Variants in DAGLB observed in about 807,000 individuals in gnomAD.
DAGLB encodes the protein diacylglycerol lipase beta.
DAGLB carries 66 observed loss-of-function variants against 72.1 expected under a neutral mutation model. The ratio of observed to expected loss-of-function variants is 0.92; its 90% CI spans 0.75 to 1.12. The LOEUF (loss-of-function observed/expected upper bound fraction) is 1.12. Ranked by LOEUF, DAGLB falls within the 50% of genes most tolerant of loss-of-function variation. The pLI is 0.00. For synonymous variants in DAGLB, 414 were observed against 359.5 expected, an observed-to-expected ratio of 1.15 and a Z score of -1.71; for missense variants, 1,065 against 884.9, an observed-to-expected ratio of 1.20 and a Z score of -2.58.
intron 6 of DAGLB, among the ~76,000 whole-genome samples, chr7:6,429,520 G>A (rs1784412052): frequency 6.6e-6 from 1 of 151,978 alleles, no homozygotes; most frequent in Admixed American, 6.6e-5. Flanking sequence ...CCAGAACTCT[G>A]GGAGGCTGAG....
At chr7:6,425,034 A>G (rs887575483) in intron 7 of DAGLB, among the ~76,000 whole-genome samples, 199 bp from the exon 8 acceptor site, 1 of 152,236 alleles carries the variant, frequency 6.6e-6, no homozygotes, top group Non-Finnish European at 1.5e-5. Flanking sequence ...ATGCTGCTCT[A>G]CATGAAAAAG....
At chr7:6,437,227 G>C (rs924609758) in intron 2 of DAGLB, among the ~76,000 whole-genome samples, 2 of 151,358 alleles carry the variant, frequency 1.3e-5, no homozygotes, top group Middle Eastern at 3.4e-3. Flanking sequence ...GCACAAAACA[G>C]AACTGTCCCA....
rs951817997 is a variant in DAGLB at position 6,426,006 on chromosome 7, G to A, written c.1038C>T (p.His346=). Residue 346 remains histidine (H), a synonymous_variant, in exon 7 of 15, where the codon CAC becomes CAT. Coordinates refer to ENST00000297056, the MANE Select transcript of DAGLB (RefSeq NM_139179.4). ...TTGLQYRDFI[H]VSFHDKVYEL... ...TCCACACCTTGTCATGGAAGCTGAC[G>A]TGGATGAAGTCCCTGTACTGCAGCC... 8.7e-6 allele frequency: 14 copies of A among 1,614,016 alleles called. No homozygotes were observed. Among genetic ancestry groups the A allele is most frequent in the Admixed American group, 6.7e-5 (4 of 60,004 alleles).
chr7:6,413,102 G>T (rs1343034131), intron 11 of DAGLB, 68 bp from the exon 12 acceptor site: 2 of 1,533,360 alleles, frequency 1.3e-6, no homozygotes, highest in African/African-American at 2.7e-5. Context: ...TTCCATGAAA[G>T]AAATCAGTAA....
intron 2 of DAGLB, among the ~76,000 whole-genome samples, chr7:6,442,615 G>A (rs186826666): frequency 2.2e-4 from 34 of 152,312 alleles, no homozygotes; most frequent in African/African-American, 7.5e-4. Flanking sequence ...AAGCTTCCCA[G>A]CGCTGAAGCC....
Position 6,412,908 on chromosome 7 carries a change from G to A in DAGLB, c.1497-25C>T, listed in dbSNP as rs1486978383. 5 of 1,611,942 alleles carry A rather than the reference G, an allele frequency of 3.1e-6. 1 individual carries two copies. In the South Asian group the frequency reaches 3.3e-5, roughly 11 times the overall value. ...CCTGTTTAGCAAAGGGGCACACTGA[G>A]GCTGGGACCTGGCACTCCCAACCCC... On this transcript the variant is annotated intron_variant, in intron 12 of 14. Coordinates refer to ENST00000297056, the MANE Select transcript of DAGLB (RefSeq NM_139179.4).
At chr7:6,430,285 A>ATATATATATATATATATATATTC (rs1784444801) in intron 6 of DAGLB, among the ~76,000 whole-genome samples, 195 bp downstream of exon 6, 1 of 98,416 alleles carries the variant, frequency 1.0e-5, no homozygotes, top group Non-Finnish European at 2.0e-5. Context: ...ATATATATGC[A>ATATATATATATATATATATATTC]GGGGGGAGGG....
At chr7:6,431,285 C>G (rs2115274898) in intron 5 of DAGLB, among the ~76,000 whole-genome samples, 1 of 152,184 alleles carries the variant, frequency 6.6e-6, no homozygotes, top group Non-Finnish European at 1.5e-5. Flanking sequence ...CGTCTACGTG[C>G]AATTTTCTTT....
rs1784494461 is a variant in DAGLB, at chr7:6,431,722, A to C, written c.801+1115T>G. On this transcript the variant is annotated intron_variant, in intron 5 of 14. Coordinates refer to ENST00000297056, the MANE Select transcript of DAGLB (RefSeq NM_139179.4). ...AGGAGACAGAGGGTGCAGTGAGCCA[A>C]GATCATGCCATTGCACTCCAGCCTG... Among the ~76,000 whole-genome samples the C allele has an allele frequency of 2.0e-5, 3 of 152,156 alleles. No individual in the cohort carries two copies. The South Asian group carries it at 6.2e-4, about 32-fold the overall frequency.
At chr7:6,445,015 C>A (rs886333832) in intron 2 of DAGLB, among the ~76,000 whole-genome samples, 3 of 152,168 alleles carry the variant, frequency 2.0e-5, no homozygotes, top group African/African-American at 7.2e-5. Flanking sequence ...GCAATTAGAA[C>A]CCTTATACAC....
rs150344520 is a variant in DAGLB, at chr7:6,426,052, C to T, written c.992G>A (p.Gly331Asp). The change falls in exon 7 of 15, where the codon GGC (glycine) becomes GAC (aspartate). Residue 331 changes from glycine (G) to aspartate (D), a missense_variant. By Grantham distance (94) the Gly-to-Asp change is moderately conservative. Coordinates refer to ENST00000297056, the MANE Select transcript of DAGLB (RefSeq NM_139179.4). ...VGGDQLNCHF[G>D]SILHTTGLQY... ...CAGCCCTGTGGTGTGCAGGATGGAG[C>T]CGAAGTGACAGTTGAGCTGATCGCC... 1.1e-5 allele frequency: 18 copies of T among 1,614,054 alleles called. No individual in the cohort carries two copies. The African/African-American group carries it at 2.4e-4, about 22-fold the overall frequency.
At chr7:6,431,872 G>A (rs529164740) in intron 5 of DAGLB, among the ~76,000 whole-genome samples, 1 of 152,288 alleles carries the variant, frequency 6.6e-6, no homozygotes, top group East Asian at 1.9e-4. Context: ...CACCTGACAG[G>A]TGATGCAATA....
In DAGLB at chr7:6,424,649, CCT is replaced by C. The variant is rs745481235; in HGVS notation, c.1140+101_1140+102del. On this transcript the variant is annotated intron_variant, in intron 8 of 14. Coordinates refer to ENST00000297056, the MANE Select transcript of DAGLB (RefSeq NM_139179.4). ...TCATTTTCTGTCCTCACCATTTTCC[CCT>C]GTGTCTCATGCGGTTACTGACGGAT... 1.9e-4 allele frequency: 204 copies of C among 1,090,940 alleles called. 2 individuals carry two copies. Among genetic ancestry groups the C allele is most frequent in the South Asian group, 7.3e-4 (58 of 79,204 alleles). The allele number at this position is 1,090,940 out of a possible 1,614,324, so 67.6% of individuals were successfully genotyped here.
chr7:6,420,148 G>A (rs568338315), intron 9 of DAGLB, among the ~76,000 whole-genome samples: 3 of 151,288 alleles, frequency 2.0e-5, no homozygotes, highest in South Asian at 2.1e-4. Context: ...CCCTGTCTCA[G>A]AAACAAAAAC....
intron 9 of DAGLB, among the ~76,000 whole-genome samples, chr7:6,420,872 G>T (rs1784091308): frequency 6.6e-6 from 1 of 152,196 alleles, no homozygotes; most frequent in African/African-American, 2.4e-5. Flanking sequence ...CGTGCCATCT[G>T]CCATCTGCAC....
At chr7:6,416,529 C>CCT in intron 11 of DAGLB, 98 bp downstream of exon 11, 1 of 1,498,074 alleles carries the variant, frequency 6.7e-7, no homozygotes, top group Admixed American at 2.3e-5. Context: ...GGCGACAGAG[C>CCT]AAGACTTCAT....
At position 6,416,888 on chromosome 7, in the gene DAGLB, G is replaced by A. The variant is rs1294300951; in HGVS notation, c.1252C>T (p.Arg418Ter). The A allele has an allele frequency of 8.7e-6, 14 of 1,614,214 alleles. No homozygotes were observed. Among genetic ancestry groups the A allele is most frequent in the Admixed American group, 6.7e-5 (4 of 60,030 alleles). The change falls in exon 10 of 15, where the codon CGA becomes TGA. Residue 418 changes from arginine (R) to a stop codon, truncating the protein, a stop_gained. Transcript: ENST00000297056. LOFTEE classifies it high-confidence loss of function. ...CTCAAAATCCCGTCGTTGATGAGTC[G>A]TTGGTAAACGTATCTGGCAGCTTGA... Reference protein sequence around the residue: ...ISQAARYVYQRLINDGILSQA... With the variant: ...ISQAARYVYQ
chr7:6,446,522 A>C (rs1309091073), intron 1 of DAGLB, among the ~76,000 whole-genome samples: 2 of 138,234 alleles, frequency 1.4e-5, no homozygotes, highest in Non-Finnish European at 3.1e-5. Flanking sequence ...AAATAAAAGG[A>C]GTTAATATTT....
chr7:6,421,970 G>T, intron 8 of DAGLB, 166 bp from the exon 9 acceptor site: 1 of 791,744 alleles, frequency 1.3e-6, no homozygotes, highest in Non-Finnish European at 2.1e-6. Flanking sequence ...AAACCCAGCG[G>T]TGGCTCCTGA....
Sources: gnomAD v4.1 joint callset for allele counts (sites outside exome capture counted in the v4.1 genomes callset) on GRCh38, gnomAD v4.1.1 for gene constraint, MANE v1.5 for transcripts, NCBI Gene and HGNC (gene_info 2026-07-23, HGNC 2026-07-21) for gene names.